The following MAPRE2 variants were observed in gnomAD, a reference collection of about 807,000 sequenced individuals.
MAPRE2 encodes microtubule-associated protein RP/EB family member 2.
MAPRE2 carries 13 observed loss-of-function variants against 43.2 expected under a neutral mutation model. The observed-to-expected ratio is 0.30, with a 90% CI of 0.20 to 0.48. MAPRE2 has a LOEUF of 0.48. Ranked by LOEUF, MAPRE2 falls within the 20% of genes least tolerant of loss-of-function variation. MAPRE2 has a pLI of 0.99. For synonymous variants in MAPRE2, 135 were observed against 148.8 expected (o/e 0.91, Z 0.68); for missense variants, 161 against 400.2 (o/e 0.40, Z 5.10).
intron 1 of MAPRE2, among the ~76,000 whole-genome samples, chr18:35,052,856 T>G (rs1179217224): frequency 2.0e-5 from 3 of 152,222 alleles, no homozygotes; most frequent in African/African-American, 7.2e-5. Flanking sequence ...GTGTGTCTTC[T>G]GTAGTAAAGT....
At chr18:35,008,181 G>GTA (rs907281675) in intron 2 of MAPRE2, among the ~76,000 whole-genome samples, 1 of 152,074 alleles carries the variant, frequency 6.6e-6, no homozygotes, top group African/African-American at 2.4e-5. Flanking sequence ...ACCTCATGAT[G>GTA]TATAAGACTC....
intron 2 of MAPRE2, among the ~76,000 whole-genome samples, chr18:35,086,965 C>CT (rs1364628268): frequency 6.6e-6 from 1 of 152,066 alleles, no homozygotes; most frequent in East Asian, 1.9e-4. Flanking sequence ...AAAATTTCCA[C>CT]TTTAAAAATG....
rs554423777 is a variant in MAPRE2, at chr18:34,998,387, C to T, written c.-69-7105C>T. Among the ~76,000 whole-genome samples the T allele has an allele frequency of 1.4e-4, 20 of 144,144 alleles. No individual in the cohort carries two copies. The South Asian group carries it at 3.1e-3, about 22-fold the overall frequency. 94.6% of individuals were successfully genotyped at this position (144,144 alleles called of 152,430 possible). ...TGTTGCCCAGGCTGGAGTGCAGTGGCGCCATCTCGGCTCACTGCAAGCTCT... is the reference window on the plus strand; with the variant it reads ...TGTTGCCCAGGCTGGAGTGCAGTGGTGCCATCTCGGCTCACTGCAAGCTCT... On this transcript the variant is annotated intron_variant, in intron 1 of 7. Coordinates refer to the MAPRE2 transcript ENST00000413393.
At chr18:35,138,521 T>TA (rs990366190) in intron 6 of MAPRE2, among the ~76,000 whole-genome samples, 9 of 152,254 alleles carry the variant, frequency 5.9e-5, no homozygotes, top group African/African-American at 2.2e-4. Flanking sequence ...GTTACTTTTT[T>TA]AAAAAAATTA....
In MAPRE2 at chr18:35,141,318, C is replaced by A. The variant is rs1383227956; in HGVS notation, c.*949C>A. The A allele has an allele frequency of 6.6e-6, 1 of 152,254 alleles. No homozygotes were observed. Among genetic ancestry groups the A allele is most frequent in the Non-Finnish European group, 1.5e-5 (1 of 68,068 alleles). The allele number at this position is 152,254 out of a possible 1,614,324, so 9.4% of individuals were successfully genotyped here. Reference sequence around the variant, plus strand: ...GGGGACCCCTACTAAAGGGTAACTTCAGGTGTGCAGCCCTGAGCTCCAAGG... The same window carrying A: ...GGGGACCCCTACTAAAGGGTAACTTAAGGTGTGCAGCCCTGAGCTCCAAGG... On this transcript the variant is annotated 3_prime_UTR_variant, in exon 7 of 7. Transcript: ENST00000300249.
At chr18:35,077,316 T>C (rs749601389) in intron 2 of MAPRE2, among the ~76,000 whole-genome samples, 1 of 152,024 alleles carries the variant, frequency 6.6e-6, no homozygotes, top group Non-Finnish European at 1.5e-5. Context: ...GTACCATTAG[T>C]GGGAATCTCA....
chr18:35,137,767 G>A (rs907092132), intron 6 of MAPRE2, among the ~76,000 whole-genome samples: 3 of 152,064 alleles, frequency 2.0e-5, no homozygotes, highest in Admixed American at 6.6e-5. Context: ...ACTGTGGTGC[G>A]CCCTCCCACC....
At chr18:34,986,541 T>C (rs2097021111) in intron 1 of MAPRE2, among the ~76,000 whole-genome samples, 1 of 152,144 alleles carries the variant, frequency 6.6e-6, no homozygotes, top group South Asian at 2.1e-4. Context: ...GCTTGCCCTC[T>C]ATTGTGATTT....
In MAPRE2 at chr18:35,138,127, A is replaced by G. The variant is rs1372240953; in HGVS notation, c.910-2168A>G. Among the ~76,000 whole-genome samples the G allele has an allele frequency of 2.6e-5, 4 of 152,198 alleles. No individual in the cohort carries two copies. In the East Asian group the frequency reaches 7.7e-4, roughly 29 times the overall value. On this transcript the variant is annotated intron_variant, in intron 6 of 6. Coordinates refer to ENST00000300249, the MANE Select transcript of MAPRE2 (RefSeq NM_014268.4). ...AGAGGACCAGCCTCACATGTGCCAG[A>G]CAGAAGGCAAAGCAGTGTGCAGAGG...
At chr18:35,130,979 G>A (rs16966468) in intron 5 of MAPRE2, among the ~76,000 whole-genome samples, 3,331 of 152,234 alleles carry the variant, frequency 0.022, 117 homozygotes, top group African/African-American at 0.076. Context: ...AACCAGGATC[G>A]AGGGGAAGAA....
intron 1 of MAPRE2, among the ~76,000 whole-genome samples, chr18:35,049,599 A>G (rs1905826950): frequency 6.6e-6 from 1 of 152,110 alleles, no homozygotes; most frequent in Non-Finnish European, 1.5e-5. Flanking sequence ...ACGTGGTGGG[A>G]GGGATGTGAG....
intron 2 of MAPRE2, among the ~76,000 whole-genome samples, chr18:35,079,578 A>G (rs1020607441): frequency 2.0e-5 from 3 of 152,216 alleles, no homozygotes; most frequent in African/African-American, 7.2e-5. Context: ...AACTTTTTCC[A>G]TATAGCCATT....
chr18:35,130,847 C>T (rs1489271285), intron 5 of MAPRE2, among the ~76,000 whole-genome samples: 5 of 152,140 alleles, frequency 3.3e-5, no homozygotes, highest in African/African-American at 4.8e-5. Flanking sequence ...GTCACAACCC[C>T]GTGAGGGTTT....
intron 1 of MAPRE2, among the ~76,000 whole-genome samples, chr18:34,979,774 T>A (rs1188502838): frequency 1.3e-5 from 2 of 152,242 alleles, no homozygotes; most frequent in East Asian, 3.8e-4. Flanking sequence ...AAACCTCATG[T>A]TGGCTATTAA....
chr18:35,112,179 C>T lies in MAPRE2; in HGVS notation c.610+10020C>T, dbSNP rs550279279. ...ACACTGTTTCTTTCTTTCTTTCCTT[C>T]CTTCCTTTTTTTTTTTTTTTATGGA... On this transcript the variant is annotated intron_variant, in intron 4 of 6. Transcript: ENST00000300249. 6.6e-5 allele frequency among the ~76,000 whole-genome samples: 10 copies of T among 151,184 alleles called. 1 individual carries two copies. The South Asian group carries it at 2.1e-3, about 32-fold the overall frequency.
chr18:35,055,577 G>A (rs929092287), intron 1 of MAPRE2, among the ~76,000 whole-genome samples: 1 of 142,086 alleles, frequency 7.0e-6, no homozygotes, highest in Non-Finnish European at 1.5e-5. Context: ...GTGTGTGTGT[G>A]TGTATACATA....
At chr18:34,984,371 A>C (rs1052513002) in intron 1 of MAPRE2, 8 of 152,142 alleles carry the variant, frequency 5.3e-5, no homozygotes, top group Non-Finnish European at 7.3e-5. Context: ...GTTATATATA[A>C]CTGGTGTTCT....
chr18:35,011,292 C>T (rs555029024), intron 2 of MAPRE2, among the ~76,000 whole-genome samples: 1 of 152,260 alleles, frequency 6.6e-6, no homozygotes, highest in South Asian at 2.1e-4. Flanking sequence ...AAAGGAAGAG[C>T]TAGCCAAGTG....
intron 1 of MAPRE2, among the ~76,000 whole-genome samples, chr18:35,056,636 A>G (rs1906247825): frequency 1.3e-5 from 2 of 152,210 alleles, no homozygotes; most frequent in African/African-American, 4.8e-5. Flanking sequence ...CTCTAGAACT[A>G]CTTCATCCAC....
Sources: gnomAD v4.1 joint callset for allele counts (sites outside exome capture counted in the v4.1 genomes callset) on GRCh38, gnomAD v4.1.1 for gene constraint, MANE v1.5 for transcripts, NCBI Gene and HGNC (gene_info 2026-07-23, HGNC 2026-07-21) for gene names.